The following TUT7 variants were observed in gnomAD, a reference collection of about 807,000 sequenced individuals.
TUT7 encodes the protein terminal uridylyl transferase 7.
TUT7 carries 33 observed loss-of-function variants against 165.9 expected under a neutral mutation model. The observed-to-expected ratio is 0.20, with a 90% CI of 0.15 to 0.27. The LOEUF (loss-of-function observed/expected upper bound fraction) is 0.27. Among genes scored for constraint, TUT7 ranks in the 10% least tolerant of loss-of-function variants. The probability of loss-of-function intolerance (pLI) is 1.00; values close to 1 mark genes in which losing one functional copy is unlikely to be tolerated. For missense variants in TUT7, 1,338 were observed against 1,762.3 expected (o/e 0.76, Z 4.31); for synonymous variants, 552 against 608.1 (o/e 0.91, Z 1.36).
chr9:86,350,317 C>A (rs1055844123), intron 2 of TUT7, among the ~76,000 whole-genome samples: 4 of 151,990 alleles, frequency 2.6e-5, no homozygotes, highest in African/African-American at 9.7e-5. Context: ...GGCTACAGAG[C>A]GAGACTCCAT....
intron 17 of TUT7, among the ~76,000 whole-genome samples, chr9:86,314,900 A>C (rs1828557256): frequency 6.6e-6 from 1 of 152,202 alleles, no homozygotes; most frequent in Non-Finnish European, 1.5e-5. Context: ...ATGCACTTAG[A>C]AATGATTTCT....
chr9:86,325,304 G>A (rs986914273), intron 12 of TUT7, 30 bp downstream of exon 12: 1 of 1,601,430 alleles, frequency 6.2e-7, no homozygotes, highest in Non-Finnish European at 8.5e-7. Flanking sequence ...AAAAAGAGTG[G>A]GGGGGAATAA....
At chr9:86,353,304 A>G (rs1276210865) in intron 1 of TUT7, 74 bp from the exon 2 acceptor site, 1 of 1,223,208 alleles carries the variant, frequency 8.2e-7, no homozygotes, top group Non-Finnish European at 1.1e-6. Context: ...ATAACAATTT[A>G]TCGTACAGAT....
chr9:86,347,098 A>G lies in TUT7; in HGVS notation c.521-618T>C, dbSNP rs1831843854. ...GTTAATATGAAGAAGTCCAAGCCAA[A>G]ATTTTATTTACTAAGGACAACTATC... On this transcript the variant is annotated intron_variant, in intron 2 of 26. Coordinates refer to ENST00000375963, the MANE Select transcript of TUT7 (RefSeq NM_024617.4). Among the ~76,000 whole-genome samples the G allele has an allele frequency of 2.6e-5, 4 of 152,124 alleles. No homozygotes were observed. In the South Asian group the frequency reaches 8.3e-4, roughly 31 times the overall value.
chr9:86,335,117 CTCCT>C (rs1830654885), intron 10 of TUT7, among the ~76,000 whole-genome samples: 1 of 152,176 alleles, frequency 6.6e-6, no homozygotes, highest in African/African-American at 2.4e-5. Context: ...AACATTTGTT[CTCCT>C]TCCTTGTTTC....
intron 6 of TUT7, among the ~76,000 whole-genome samples, chr9:86,341,681 A>T (rs1306890039): frequency 1.3e-5 from 2 of 152,064 alleles, no homozygotes; most frequent in Non-Finnish European, 2.9e-5. Flanking sequence ...CTCTTTATTG[A>T]TTTAGGGTAT....
chr9:86,349,833 CA>C (rs1374012207), intron 2 of TUT7, among the ~76,000 whole-genome samples: 2 of 152,104 alleles, frequency 1.3e-5, no homozygotes, highest in African/African-American at 2.4e-5. Flanking sequence ...GTATGTCATA[CA>C]GCAAAAACAT....
rs1255767102 is a variant in TUT7, at chr9:86,328,463, C to T, written c.1485G>A (p.Gly495=). The T allele has an allele frequency of 6.2e-7, 1 of 1,609,540 alleles. No homozygotes were observed. The highest frequency in any genetic ancestry group is 8.5e-7 in the Non-Finnish European group (1 of 1,178,054). ...TTTCAATGTCTTGAAGGTTGAAATTCCCTAGTTTGCTTAATGAGAATCCTT... is the reference window on the plus strand; with the variant it reads ...TTTCAATGTCTTGAAGGTTGAAATTTCCTAGTTTGCTTAATGAGAATCCTT... ...WIEGFSLSKL[G]NFNLQDIEKD... Residue 495 remains glycine (G), a synonymous_variant, in exon 11 of 27, where the codon GGG becomes GGA. Transcript: ENST00000375963.
At chr9:86,308,665 T>G in intron 21 of TUT7, 59 bp from the exon 22 acceptor site, 1 of 1,367,322 alleles carries the variant, frequency 7.3e-7, no homozygotes, top group Non-Finnish European at 9.8e-7. Flanking sequence ...AATATCAATA[T>G]TCATTTGTAT....
chr9:86,348,964 G>C (rs1246887403), intron 2 of TUT7, among the ~76,000 whole-genome samples: 1 of 152,066 alleles, frequency 6.6e-6, no homozygotes, highest in African/African-American at 2.4e-5. Context: ...GGGACTCTTG[G>C]AGGGTAAAGC....
intron 10 of TUT7, among the ~76,000 whole-genome samples, chr9:86,329,791 C>G (rs1465859255): frequency 6.6e-6 from 1 of 152,074 alleles, no homozygotes; most frequent in African/African-American, 2.4e-5. Flanking sequence ...CTTCTATCTT[C>G]TTGGCTCAGA....
intron 26 of TUT7, chr9:86,298,869 A>G: frequency 1.1e-6 from 1 of 946,992 alleles, no homozygotes; most frequent in Non-Finnish European, 1.3e-6. Context: ...AATCGAAAGG[A>G]AGAGCATCTG....
chr9:86,348,984 AT>A (rs1832028415), intron 2 of TUT7, among the ~76,000 whole-genome samples: 1 of 152,152 alleles, frequency 6.6e-6, no homozygotes. Context: ...CTAGGTACTG[AT>A]GAAAAATTCT....
chr9:86,350,603 G>A (rs950198393), intron 2 of TUT7, among the ~76,000 whole-genome samples: 1 of 152,152 alleles, frequency 6.6e-6, no homozygotes, highest in Non-Finnish European at 1.5e-5. Flanking sequence ...CTCATTTACC[G>A]CGCTGCATAA....
At chr9:86,328,004 T>G (rs1829954940) in intron 11 of TUT7, among the ~76,000 whole-genome samples, 1 of 152,204 alleles carries the variant, frequency 6.6e-6, no homozygotes, top group Non-Finnish European at 1.5e-5. Flanking sequence ...CACTGTTATT[T>G]TAGTAACTGA....
chr9:86,307,575 C>T lies in TUT7; in HGVS notation c.3838+854G>A, dbSNP rs771423624. Among the ~76,000 whole-genome samples the T allele has an allele frequency of 9.7e-4, 147 of 152,130 alleles. 2 individuals carry two copies. The highest frequency in any genetic ancestry group is 3.1e-4 in the Non-Finnish European group (21 of 68,030). ...TCTTATTAAAATTAAAAAAATATTTCTTAGGTCATTTCTCAGCTAAAGCAT... is the reference window on the plus strand; with the variant it reads ...TCTTATTAAAATTAAAAAAATATTTTTTAGGTCATTTCTCAGCTAAAGCAT... On this transcript the variant is annotated intron_variant, in intron 22 of 26. Transcript: ENST00000375963.
intron 14 of TUT7, among the ~76,000 whole-genome samples, chr9:86,320,025 A>G (rs1224095148): frequency 6.6e-6 from 1 of 152,040 alleles, no homozygotes; most frequent in African/African-American, 2.4e-5. Flanking sequence ...TGTAAAATTT[A>G]AGATGTCCTT....
At position 86,309,267 on chromosome 9, in the gene TUT7, G is replaced by C; in HGVS notation, c.3605C>G (p.Pro1202Arg). The C allele has an allele frequency of 6.4e-7, 1 of 1,571,764 alleles. No homozygotes were observed. The highest frequency in any genetic ancestry group is 8.7e-7 in the Non-Finnish European group (1 of 1,144,208). The change falls in exon 21 of 27, where the codon CCT (proline) becomes CGT (arginine). Residue 1202 changes from proline (P) to arginine (R), a missense_variant. Pro to Arg is a moderately radical substitution (Grantham distance 103). Transcript: ENST00000375963. ...LQEIYKGEKK[P>R]EIFVDGWNIY... ...ATTCCAGCCATCAACAAATATTTCA[G>C]GTTTCTTTTCACCTTTGTATATCTG...
chr9:86,319,429 T>C (rs1829020963), intron 15 of TUT7, among the ~76,000 whole-genome samples, 155 bp downstream of exon 15: 1 of 152,200 alleles, frequency 6.6e-6, no homozygotes, highest in Non-Finnish European at 1.5e-5. Context: ...CTGTTTCTGT[T>C]GGTAAATGAG....
Sources: allele counts gnomAD v4.1 joint callset (sites outside exome capture counted in the v4.1 genomes callset), GRCh38; gene constraint gnomAD v4.1.1; transcripts MANE v1.5; gene names NCBI Gene and HGNC (gene_info 2026-07-23, HGNC 2026-07-21).